Variants in CNTN4 observed in about 807,000 individuals in gnomAD.
CNTN4 encodes contactin-4.
In CNTN4, 77 loss-of-function variants were observed where a neutral mutation model predicts 122.5. The observed-to-expected ratio is 0.63, with a 90% CI of 0.52 to 0.76. CNTN4 has a LOEUF of 0.76. CNTN4 is among the 30% of genes least tolerant of loss of function. CNTN4 has a pLI of 0.00. For synonymous variants in CNTN4, 512 were observed against 447.0 expected, an observed-to-expected ratio of 1.15 and a Z score of -1.83; for missense variants, 1,256 against 1,259.1, an observed-to-expected ratio of 1.00 and a Z score of 0.04.
intron 3 of CNTN4, among the ~76,000 whole-genome samples, chr3:2,413,093 G>A (rs943123294): frequency 5.3e-5 from 8 of 152,068 alleles, no homozygotes; most frequent in Non-Finnish European, 8.8e-5. Context: ...CATATGCATC[G>A]TTAAAATGTA....
chr3:2,571,704 T>G (rs1281975827), intron 4 of CNTN4, 146 bp downstream of exon 4: 1 of 700,262 alleles, frequency 1.4e-6, no homozygotes, highest in Non-Finnish European at 2.6e-6. Flanking sequence ...CTGTTGAATA[T>G]ACCTTCCTGA....
intron 13 of CNTN4, among the ~76,000 whole-genome samples, chr3:2,940,168 ACT>A (rs2094600841): frequency 6.6e-6 from 1 of 152,172 alleles, no homozygotes; most frequent in Non-Finnish European, 1.5e-5. Context: ...CTGTGGACAG[ACT>A]CTTCTGATTT....
At chr3:2,273,402 G>A (rs935690546) in intron 2 of CNTN4, among the ~76,000 whole-genome samples, 1 of 152,136 alleles carries the variant, frequency 6.6e-6, no homozygotes, top group African/African-American at 2.4e-5. Flanking sequence ...TGCAATGTGG[G>A]CAACAAACAT....
intron 3 of CNTN4, among the ~76,000 whole-genome samples, chr3:2,504,171 G>T (rs1219859139): frequency 1.3e-5 from 2 of 152,140 alleles, no homozygotes; most frequent in African/African-American, 4.8e-5. Flanking sequence ...AATCTGAGAA[G>T]TGTAGTATTT....
intron 3 of CNTN4, among the ~76,000 whole-genome samples, chr3:2,400,746 G>A (rs1244365523): frequency 6.6e-6 from 1 of 151,118 alleles, no homozygotes; most frequent in Non-Finnish European, 1.5e-5. Context: ...CTTTGTGGTG[G>A]CTTTTATTTC....
chr3:3,045,571 G>A (rs764258669), intron 23 of CNTN4, among the ~76,000 whole-genome samples: 3 of 152,228 alleles, frequency 2.0e-5, no homozygotes, highest in Non-Finnish European at 4.4e-5. Context: ...TGAGGGTCCT[G>A]ACTGTTAGAA....
chr3:2,186,699 T>C (rs570498172), intron 2 of CNTN4, among the ~76,000 whole-genome samples: 2 of 152,358 alleles, frequency 1.3e-5, no homozygotes, highest in East Asian at 3.9e-4. Context: ...GAGCATTTTT[T>C]CATGTGTCTG....
chr3:2,629,463 G>T, intron 4 of CNTN4: 4 of 387,772 alleles, frequency 1.0e-5, no homozygotes, highest in Admixed American at 6.7e-5. Flanking sequence ...ATCACCACTT[G>T]GTTTCTGAAT....
chr3:2,796,484 C>T (rs909052025), intron 6 of CNTN4, among the ~76,000 whole-genome samples: 2 of 151,904 alleles, frequency 1.3e-5, no homozygotes, highest in Non-Finnish European at 2.9e-5. Flanking sequence ...TTTAATGTGC[C>T]CTTATTTCTC....
intron 14 of CNTN4, among the ~76,000 whole-genome samples, chr3:3,016,340 C>T (rs1199427252): frequency 6.6e-6 from 1 of 152,142 alleles, no homozygotes; most frequent in Non-Finnish European, 1.5e-5. Flanking sequence ...TTATTACTTG[C>T]TATTTTGCTT....
chr3:2,287,608 A>AAGAAGGAGAAGG lies in CNTN4; in HGVS notation c.-144-51552_-144-51541dup, dbSNP rs1188068296. Among the ~76,000 whole-genome samples the AAGAAGGAGAAGG allele has an allele frequency of 2.0e-3, 225 of 114,890 alleles. 41 individuals are homozygous for AAGAAGGAGAAGG. Among genetic ancestry groups the AAGAAGGAGAAGG allele is most frequent in the East Asian group, 3.3e-3 (12 of 3,588 alleles). 75.4% of individuals were successfully genotyped at this position (114,890 alleles called of 152,430 possible). On this transcript the variant is annotated intron_variant, in intron 2 of 24. Coordinates refer to ENST00000418658, the MANE Select transcript of CNTN4 (RefSeq NM_175607.3). ...ACAGAGTGAGACCCTGTCTAAAGAA[A>AAGAAGGAGAAGG]AGAAGGAGAAGGAGAAGGAGAAGGA...
chr3:2,584,913 GTAGGTAGATAGA>G (rs1376106672), intron 4 of CNTN4, among the ~76,000 whole-genome samples: 2 of 147,938 alleles, frequency 1.4e-5, no homozygotes, highest in Admixed American at 6.6e-5. Flanking sequence ...AGGTAGGTAG[GTAGGTAGATAGA>G]TAGATAGATA....
rs1336680681 is a variant in CNTN4, at chr3:2,667,695, G to A, written c.56-68520G>A. 1.7e-5 allele frequency among the ~76,000 whole-genome samples: 2 copies of A among 119,044 alleles called. 1 individual carries two copies. 78.1% of individuals were successfully genotyped at this position (119,044 alleles called of 152,430 possible). ...CCTATGTCCTGAATGGTAATGCCTAGGTTTTCTTCTAGGGTTTTTATGGTT... is the reference window on the plus strand; with the variant it reads ...CCTATGTCCTGAATGGTAATGCCTAAGTTTTCTTCTAGGGTTTTTATGGTT... On this transcript the variant is annotated intron_variant, in intron 4 of 24. Coordinates refer to ENST00000418658, the MANE Select transcript of CNTN4 (RefSeq NM_175607.3).
chr3:2,284,795 A>G lies in CNTN4; in HGVS notation c.-144-54383A>G, dbSNP rs115090649. 8.0e-3 allele frequency among the ~76,000 whole-genome samples: 1,222 copies of G among 152,014 alleles called. 17 individuals are homozygous for G. The highest frequency in any genetic ancestry group is 0.028 in the African/African-American group (1,157 of 41,540). Reference sequence around the variant, plus strand: ...AGGTGAGTAGACTAAGAGTCATTAAAAAAATCTTGAGGAAGATTTTTAATA... The same window carrying G: ...AGGTGAGTAGACTAAGAGTCATTAAGAAAATCTTGAGGAAGATTTTTAATA... On this transcript the variant is annotated intron_variant, in intron 2 of 24. Coordinates refer to ENST00000418658, the MANE Select transcript of CNTN4 (RefSeq NM_175607.3).
chr3:2,898,040 G>C (rs1465497283), intron 10 of CNTN4, among the ~76,000 whole-genome samples: 3 of 152,108 alleles, frequency 2.0e-5, no homozygotes, highest in Admixed American at 6.5e-5. Flanking sequence ...AGATACATGA[G>C]TCATTTTCAT....
At chr3:2,707,734 C>G (rs539283413) in intron 4 of CNTN4, among the ~76,000 whole-genome samples, 29 of 152,214 alleles carry the variant, frequency 1.9e-4, no homozygotes, top group Middle Eastern at 3.4e-3. Flanking sequence ...ACCTCGAACT[C>G]TTGGGCTCAA....
intron 23 of CNTN4, among the ~76,000 whole-genome samples, chr3:3,047,247 G>A (rs910691750): frequency 1.4e-4 from 22 of 152,034 alleles, no homozygotes; most frequent in African/African-American, 5.3e-4. Flanking sequence ...GGATATCCAG[G>A]AATTGAACTC....
At chr3:2,735,649 C>G (rs796200498) in intron 4 of CNTN4, among the ~76,000 whole-genome samples, 7 of 152,254 alleles carry the variant, frequency 4.6e-5, no homozygotes, top group African/African-American at 1.4e-4. Context: ...AGAACCTAGT[C>G]CTTCGCTGCA....
intron 3 of CNTN4, among the ~76,000 whole-genome samples, chr3:2,413,084 A>C (rs191054870): frequency 6.6e-6 from 1 of 152,306 alleles, no homozygotes; most frequent in Non-Finnish European, 1.5e-5. Flanking sequence ...TTCTACATAC[A>C]TATGCATCGT....
Sources: gnomAD v4.1 joint callset for allele counts (sites outside exome capture counted in the v4.1 genomes callset) on GRCh38, gnomAD v4.1.1 for gene constraint, MANE v1.5 for transcripts, NCBI Gene and HGNC (gene_info 2026-07-23, HGNC 2026-07-21) for gene names.